The following TNFSF11 variants were observed in gnomAD, a reference collection of about 807,000 sequenced individuals.
TNFSF11 encodes tumor necrosis factor ligand superfamily member 11.
Under a neutral mutation model 32.2 loss-of-function variants are expected in TNFSF11, and 12 were observed. The ratio of observed to expected loss-of-function variants is 0.37; its 90% CI spans 0.24 to 0.60. The LOEUF (loss-of-function observed/expected upper bound fraction) is 0.60, where lower values mean the gene tolerates loss of function less well. TNFSF11 is among the 20% of genes least tolerant of loss of function. TNFSF11 has a pLI of 0.66. For synonymous variants in TNFSF11, 172 were observed against 152.1 expected (o/e 1.13, Z -0.96); for missense variants, 345 against 398.0 (o/e 0.87, Z 1.13).
At chr13:42,585,824 T>A (rs1873869110) in intron 2 of TNFSF11, among the ~76,000 whole-genome samples, 1 of 152,220 alleles carries the variant, frequency 6.6e-6, no homozygotes, top group Non-Finnish European at 1.5e-5. Context: ...GACTTTAGTG[T>A]GCTGGCTTGT....
intron 2 of TNFSF11, among the ~76,000 whole-genome samples, chr13:42,588,780 A>C (rs1163163651): frequency 4.6e-5 from 7 of 152,224 alleles, no homozygotes; most frequent in Admixed American, 4.6e-4. Flanking sequence ...GGAAGAGGTG[A>C]GAGCCACTGG....
Position 42,568,743 on chromosome 13 carries a change from C to G in TNFSF11, c.-160+1981C>G, listed in dbSNP as rs567204465. Among the ~76,000 whole-genome samples, 22 of 152,246 alleles carry G rather than the reference C, an allele frequency of 1.4e-4. No individual in the cohort carries two copies. The East Asian group carries it at 3.9e-3, about 27-fold the overall frequency. On this transcript the variant is annotated intron_variant, in intron 2 of 6. Transcript: ENST00000358545. ...GGCAAGTACAAAAGACAAAGCCCACCAGTTTCATAAAGTTGCTCAGGCTGA... is the reference window on the plus strand; with the variant it reads ...GGCAAGTACAAAAGACAAAGCCCACGAGTTTCATAAAGTTGCTCAGGCTGA...
intron 2 of TNFSF11, among the ~76,000 whole-genome samples, chr13:42,566,945 T>C (rs1387962277): frequency 6.6e-6 from 1 of 152,064 alleles, no homozygotes; most frequent in African/African-American, 2.4e-5. Flanking sequence ...TGAGCTGAGA[T>C]TGCACCACTA....
At chr13:42,565,334 A>C (rs1173124526) in intron 1 of TNFSF11, among the ~76,000 whole-genome samples, 1 of 152,056 alleles carries the variant, frequency 6.6e-6, no homozygotes, top group African/African-American at 2.4e-5. Context: ...AGTTTACTGA[A>C]TGGTTTTAAA....
chr13:42,573,448 C>G (rs752581947), upstream of TNFSF11, among the ~76,000 whole-genome samples: 2 of 152,218 alleles, frequency 1.3e-5, no homozygotes, highest in Non-Finnish European at 2.9e-5. Flanking sequence ...TCATCAGCTT[C>G]GTGTTACATC....
At chr13:42,573,888 T>C (rs9525641), upstream of TNFSF11, among the ~76,000 whole-genome samples, 70,752 of 152,036 alleles carry the variant, frequency 0.47, 16,685 homozygotes, top group African/African-American at 0.51. Context: ...CTGCGTCTTC[T>C]TTAACCCATC....
chr13:42,577,463 A>G (rs1873377425), intron 1 of TNFSF11, among the ~76,000 whole-genome samples: 1 of 152,184 alleles, frequency 6.6e-6, no homozygotes, highest in Non-Finnish European at 1.5e-5. Context: ...CTTCTGCTAT[A>G]TATTTACCAC....
At chr13:42,588,291 C>T (rs1341627919) in intron 2 of TNFSF11, among the ~76,000 whole-genome samples, 1 of 152,090 alleles carries the variant, frequency 6.6e-6, no homozygotes, top group African/African-American at 2.4e-5. Context: ...TCAGGGGAGA[C>T]CCAGGGAAGA....
Position 42,600,974 on chromosome 13 carries a change from C to T in TNFSF11, c.525C>T (p.Ile175=). The stretch of plus-strand genomic sequence containing the variant: ...ATCTCACTATTAATGCCACCGACAT[C>T]CCATCTGGTAAGCTCTATCTGCATC... ...FAHLTINATD[I]PSGSHKVSLS... Residue 175 remains isoleucine (I), a synonymous_variant, in exon 4 of 5, where the codon ATC becomes ATT. Coordinates refer to ENST00000398795, the MANE Select transcript of TNFSF11 (RefSeq NM_003701.4). 3 of 1,614,168 alleles carry T rather than the reference C, an allele frequency of 1.9e-6. No homozygotes were observed. Among genetic ancestry groups the T allele is most frequent in the Non-Finnish European group, 2.5e-6 (3 of 1,180,002 alleles).
intron 2 of TNFSF11, among the ~76,000 whole-genome samples, chr13:42,599,349 C>CTATCTATCTATCTATCTATCATCTATCT (rs11385072): frequency 8.9e-6 from 1 of 112,186 alleles, no homozygotes; most frequent in Non-Finnish European, 1.8e-5. Flanking sequence ...ATCTATCTAT[C>CTATCTATCTATCTATCTATCATCTATCT]ATCTATCTAT....
chr13:42,574,614 A>G, intron 1 of TNFSF11, 92 bp downstream of exon 1: 1 of 1,440,544 alleles, frequency 6.9e-7, no homozygotes, highest in East Asian at 2.4e-5. Flanking sequence ...GGGCTGGGCC[A>G]CCCAGAGCTT....
chr13:42,591,260 A>T (rs1211899056), intron 2 of TNFSF11, among the ~76,000 whole-genome samples: 1 of 152,188 alleles, frequency 6.6e-6, no homozygotes, highest in East Asian at 1.9e-4. Context: ...TATAGGGATC[A>T]GAATGTTAAG....
chr13:42,598,342 TC>T (rs1868935011), intron 2 of TNFSF11, among the ~76,000 whole-genome samples: 2 of 152,168 alleles, frequency 1.3e-5, no homozygotes, highest in African/African-American at 4.8e-5. Context: ...CCTCTTCCAA[TC>T]TTTTAAGAGC....
At chr13:42,588,609 C>T (rs767605926) in intron 2 of TNFSF11, among the ~76,000 whole-genome samples, 21 of 152,074 alleles carry the variant, frequency 1.4e-4, no homozygotes, top group Non-Finnish European at 2.6e-4. Context: ...AATTGAAGAG[C>T]GGGATGTGCC....
At position 42,579,841 on chromosome 13, in the gene TNFSF11, G is replaced by A. The variant is rs534971670; in HGVS notation, c.220-1285G>A. ...CAGATTGTACACAGTTTTGCTTCAC[G>A]GTGGTATCTCTTCCATGATGATTAT... On this transcript the variant is annotated intron_variant, in intron 1 of 4. Coordinates refer to ENST00000398795, the MANE Select transcript of TNFSF11 (RefSeq NM_003701.4). Among the ~76,000 whole-genome samples, 138 of 149,018 alleles carry A rather than the reference G, an allele frequency of 9.3e-4. 1 individual carries two copies. The highest frequency in any genetic ancestry group is 3.1e-3 in the African/African-American group (124 of 40,396).
At chr13:42,589,362 C>G (rs747803733) in intron 2 of TNFSF11, among the ~76,000 whole-genome samples, 5 of 152,220 alleles carry the variant, frequency 3.3e-5, no homozygotes, top group Non-Finnish European at 5.9e-5. Context: ...TCATCATCCT[C>G]TCTTGCCTGC....
chr13:42,564,427 CG>C (rs1872795440), intron 1 of TNFSF11, among the ~76,000 whole-genome samples: 1 of 152,042 alleles, frequency 6.6e-6, no homozygotes, highest in Non-Finnish European at 1.5e-5. Context: ...ATTAGCCGGG[CG>C]TGGTGGCACA....
rs745382629 is a variant in TNFSF11, at chr13:42,606,843, C to T, written c.879C>T (p.Val293=). 6.2e-6 allele frequency: 10 copies of T among 1,614,018 alleles called. No homozygotes were observed. The highest frequency in any genetic ancestry group is 8.5e-6 in the Non-Finnish European group (10 of 1,179,984). Residue 293 remains valine (V), a synonymous_variant, in exon 5 of 5, where the codon GTC becomes GTT. Transcript: ENST00000398795. ...CTGGAGAGGAAATCAGCATCGAGGT[C>T]TCCAACCCCTCCTTACTGGATCCGG... is the stretch of plus-strand genomic sequence containing the variant. ...LRSGEEISIE[V]SNPSLLDPDQ... is the part of the protein sequence containing the mutation.
chr13:42,586,928 A>T (rs553106342), intron 2 of TNFSF11, among the ~76,000 whole-genome samples: 110 of 152,322 alleles, frequency 7.2e-4, no homozygotes, highest in African/African-American at 2.6e-3. Flanking sequence ...ATATCCTCTG[A>T]TATTAAGATT....
Sources: gnomAD v4.1 joint callset for allele counts (sites outside exome capture counted in the v4.1 genomes callset) on GRCh38, gnomAD v4.1.1 for gene constraint, MANE v1.5 for transcripts, NCBI Gene and HGNC (gene_info 2026-07-23, HGNC 2026-07-21) for gene names.